KCNMA1: variants seen among roughly 807,000 people sequenced by gnomAD.
The protein encoded by KCNMA1 is Calcium-activated potassium channel subunit alpha-1.
KCNMA1 carries 29 observed loss-of-function variants against 140.0 expected under a neutral mutation model. That is an observed-to-expected ratio of 0.21 (90% confidence interval 0.15 to 0.28). The LOEUF (loss-of-function observed/expected upper bound fraction) is 0.28. Ranked by LOEUF, KCNMA1 falls within the 10% of genes least tolerant of loss-of-function variation. KCNMA1 has a pLI of 1.00. For synonymous variants in KCNMA1, 612 were observed against 611.9 expected, an observed-to-expected ratio of 1.00 and a Z score of 0.00; for missense variants, 880 against 1,602.2, an observed-to-expected ratio of 0.55 and a Z score of 7.70.
rs146294474 is a variant in KCNMA1, at chr10:77,117,866, C to G, written c.884+3107G>C. Among the ~76,000 whole-genome samples the G allele has an allele frequency of 1.4e-3, 214 of 152,292 alleles. 1 individual carries two copies. Among genetic ancestry groups the G allele is most frequent in the African/African-American group, 5.0e-3 (207 of 41,556 alleles). On this transcript the variant is annotated intron_variant, in intron 6 of 27. Coordinates refer to ENST00000286628, the MANE Select transcript of KCNMA1 (RefSeq NM_001161352.2). The stretch of plus-strand genomic sequence containing the variant: ...TCAGGCTATGGAGTATTCTAGGCCC[C>G]CTATGGGCTTGCAGTTTGGGAAAGG...
chr10:77,172,278 A>G (rs1188905293), intron 5 of KCNMA1, among the ~76,000 whole-genome samples: 1 of 152,190 alleles, frequency 6.6e-6, no homozygotes, highest in Non-Finnish European at 1.5e-5. Context: ...AGGTTTTGGC[A>G]TCCATGCAAA....
intron 9 of KCNMA1, among the ~76,000 whole-genome samples, chr10:77,107,225 T>C (rs191585024): frequency 6.6e-6 from 1 of 151,894 alleles, no homozygotes; most frequent in Non-Finnish European, 1.5e-5. Context: ...TCTTTAAGAG[T>C]TCATTTGAAA....
At chr10:77,177,301 C>G (rs886175304) in intron 5 of KCNMA1, among the ~76,000 whole-genome samples, 1 of 148,982 alleles carries the variant, frequency 6.7e-6, no homozygotes, top group Non-Finnish European at 1.5e-5. Context: ...TTCCTTCCTT[C>G]TTTCTTTTCT....
At chr10:77,318,628 GATAA>G (rs2081500705) in intron 2 of KCNMA1, among the ~76,000 whole-genome samples, 1 of 152,160 alleles carries the variant, frequency 6.6e-6, no homozygotes, top group Non-Finnish European at 1.5e-5. Flanking sequence ...TTCAATGTTT[GATAA>G]ATAAATGAAT....
At chr10:76,931,723 G>A (rs547743855) in intron 23 of KCNMA1, among the ~76,000 whole-genome samples, 5 of 152,238 alleles carry the variant, frequency 3.3e-5, no homozygotes, top group East Asian at 1.9e-4. Context: ...GTTGCATGGC[G>A]CCATGCTAGC....
At chr10:77,544,940 A>T (rs2061063995) in intron 1 of KCNMA1, among the ~76,000 whole-genome samples, 2 of 152,324 alleles carry the variant, frequency 1.3e-5, no homozygotes, top group Middle Eastern at 6.8e-3. Flanking sequence ...CCAACATAGG[A>T]AGACAAAAAT....
chr10:76,947,292 G>A (rs147292173), intron 22 of KCNMA1, among the ~76,000 whole-genome samples: 144 of 152,256 alleles, frequency 9.5e-4, no homozygotes, highest in African/African-American at 3.2e-3. Flanking sequence ...AGCCGAGATC[G>A]TGCCATTGCA....
At chr10:77,251,305 T>C (rs2059616104) in intron 2 of KCNMA1, 49 bp from the exon 3 acceptor site, 1 of 1,508,456 alleles carries the variant, frequency 6.6e-7, no homozygotes, top group Non-Finnish European at 9.2e-7. Context: ...GACCTCAGGA[T>C]GTTTGGGTTT....
chr10:77,125,697 G>A (rs2097717009), intron 5 of KCNMA1, among the ~76,000 whole-genome samples: 1 of 152,222 alleles, frequency 6.6e-6, no homozygotes, highest in African/African-American at 2.4e-5. Context: ...TCTATGAGGG[G>A]AGGAGCTGAT....
chr10:77,257,119 A>C (rs73283921), intron 2 of KCNMA1, among the ~76,000 whole-genome samples: 11,461 of 152,094 alleles, frequency 0.075, 1,097 homozygotes, highest in African/African-American at 0.22. Flanking sequence ...CACACACACA[A>C]AAAAGAAAAA....
chr10:77,425,330 C>A (rs1445011748), intron 1 of KCNMA1, among the ~76,000 whole-genome samples: 2 of 152,188 alleles, frequency 1.3e-5, no homozygotes, highest in African/African-American at 4.8e-5. Flanking sequence ...CTAAATGCCC[C>A]CTCCCTGGAT....
At chr10:76,930,145 A>G (rs1454430166) in intron 23 of KCNMA1, 2 of 152,314 alleles carry the variant, frequency 1.3e-5, no homozygotes, top group Middle Eastern at 3.4e-3. Flanking sequence ...ACATCAAACT[A>G]AAAATCTGCA....
chr10:76,969,292 A>AAGAAGGAG (rs1443610197), intron 20 of KCNMA1, among the ~76,000 whole-genome samples: 1 of 123,080 alleles, frequency 8.1e-6, no homozygotes, highest in East Asian at 2.5e-4. Context: ...AAGGGAAGGA[A>AAGAAGGAG]GGAAGGAGGG....
At chr10:77,361,328 G>T (rs1167523954) in intron 2 of KCNMA1, among the ~76,000 whole-genome samples, 1 of 152,190 alleles carries the variant, frequency 6.6e-6, no homozygotes, top group Non-Finnish European at 1.5e-5. Context: ...AGAGCCTTTT[G>T]CTCCAGCAAC....
intron 29 of KCNMA1, among the ~76,000 whole-genome samples, chr10:76,878,204 A>G (rs2032941161): frequency 1.3e-5 from 2 of 152,166 alleles, no homozygotes; most frequent in Non-Finnish European, 2.9e-5. Context: ...TTTCATGGCC[A>G]GAAAAGGTTT....
chr10:77,252,911 T>C (rs370689874), intron 2 of KCNMA1, among the ~76,000 whole-genome samples: 1 of 151,894 alleles, frequency 6.6e-6, no homozygotes, highest in African/African-American at 2.4e-5. Context: ...CATGCTCCAA[T>C]TGAATGCTGC....
At chr10:77,615,614 C>T (rs559045134) in intron 1 of KCNMA1, among the ~76,000 whole-genome samples, 1 of 152,292 alleles carries the variant, frequency 6.6e-6, no homozygotes, top group African/African-American at 2.4e-5. Context: ...ACATCTCGTA[C>T]TGCAAAATTC....
chr10:77,377,838 C>G (rs990677093), intron 2 of KCNMA1, among the ~76,000 whole-genome samples: 1 of 152,214 alleles, frequency 6.6e-6, no homozygotes, highest in Non-Finnish European at 1.5e-5. Flanking sequence ...CTGTGTAAAA[C>G]AGCAGTTATC....
intron 9 of KCNMA1, among the ~76,000 whole-genome samples, chr10:77,093,175 A>G (rs2096854207): frequency 6.6e-6 from 1 of 152,224 alleles, no homozygotes; most frequent in African/African-American, 2.4e-5. Flanking sequence ...TATATCTTTT[A>G]GCCACAGCAT....
Sources: allele counts gnomAD v4.1 joint callset (sites outside exome capture counted in the v4.1 genomes callset), GRCh38; gene constraint gnomAD v4.1.1; transcripts MANE v1.5; gene names NCBI Gene and HGNC (gene_info 2026-07-23, HGNC 2026-07-21).